STOML3: variants seen among roughly 807,000 people sequenced by gnomAD.
The protein encoded by STOML3 is stomatin-like protein 3.
A neutral mutation model predicts 29.5 loss-of-function variants in STOML3; 31 were observed. The observed-to-expected ratio is 1.05, with a 90% CI of 0.79 to 1.42. STOML3 has a LOEUF of 1.42. STOML3 is among the 40% of genes most tolerant of loss of function. The probability of loss-of-function intolerance (pLI) is 0.00; values close to 1 mark genes in which losing one functional copy is unlikely to be tolerated. For synonymous variants in STOML3, 122 were observed against 139.8 expected, an observed-to-expected ratio of 0.87 and a Z score of 0.90; for missense variants, 380 against 363.0, an observed-to-expected ratio of 1.05 and a Z score of -0.38.
At position 38,977,577 on chromosome 13, in the gene STOML3, T is replaced by C. The variant is rs141476801; in HGVS notation, c.53-780A>G. 2.0e-5 allele frequency among the ~76,000 whole-genome samples: 3 copies of C among 152,298 alleles called. No individual in the cohort carries two copies. The East Asian group carries it at 5.8e-4, about 29-fold the overall frequency. On this transcript the variant is annotated intron_variant, in intron 1 of 6. Transcript: ENST00000379631. ...AACTTTTCATAAAAGTTTTGTTATG[T>C]TGGCTCATCACATAAGATCTCTTCT...
At chr13:38,972,450 T>C in intron 4 of STOML3, 62 bp downstream of exon 4, 3 of 1,510,094 alleles carry the variant, frequency 2.0e-6, no homozygotes, top group Non-Finnish European at 2.7e-6. Context: ...AAATTGTAAT[T>C]GTCCTTATAA....
At chr13:38,988,600 T>TATATATCATATATTTTATATATA (rs1221842352) in intron 1 of STOML3, among the ~76,000 whole-genome samples, 1 of 102,288 alleles carries the variant, frequency 9.8e-6, no homozygotes, top group Non-Finnish European at 1.8e-5. Context: ...TATAATATAT[T>TATATATCATATATTTTATATATA]ATATATCATA....
intron 1 of STOML3, among the ~76,000 whole-genome samples, chr13:38,983,651 T>G (rs1881342177): frequency 6.6e-6 from 1 of 152,168 alleles, no homozygotes; most frequent in South Asian, 2.1e-4. Flanking sequence ...AGGTCTTTAG[T>G]GAAGAATTAG....
At chr13:38,980,957 CTG>C (rs1566208012) in intron 1 of STOML3, among the ~76,000 whole-genome samples, 1 of 152,146 alleles carries the variant, frequency 6.6e-6, no homozygotes, top group Admixed American at 6.5e-5. Context: ...AGACTTCCCC[CTG>C]TGTGTGGCTG....
chr13:38,968,842 G>C (rs916842362), intron 5 of STOML3, among the ~76,000 whole-genome samples: 29 of 152,068 alleles, frequency 1.9e-4, no homozygotes, highest in African/African-American at 6.5e-4. Flanking sequence ...ATCTAGATTT[G>C]AGAAAATATC....
At chr13:38,988,123 A>C (rs191557334) in intron 1 of STOML3, among the ~76,000 whole-genome samples, 23 of 91,076 alleles carry the variant, frequency 2.5e-4, no homozygotes, top group East Asian at 7.3e-4. Flanking sequence ...TATTTTATAT[A>C]TTATATTTTA....
At chr13:38,985,911 C>CTTTTTTTTTTTTTTTTTGTTTTT (rs1868503861) in intron 1 of STOML3, among the ~76,000 whole-genome samples, 1 of 85,616 alleles carries the variant, frequency 1.2e-5, no homozygotes, top group Non-Finnish European at 2.1e-5. Context: ...TCTTTTCTTT[C>CTTTTTTTTTTTTTTTTTGTTTTT]TTTTTTTTTT....
intron 3 of STOML3, among the ~76,000 whole-genome samples, chr13:38,972,983 G>A (rs1880933814): frequency 6.6e-6 from 1 of 151,692 alleles, no homozygotes; most frequent in Admixed American, 6.6e-5. Context: ...TTAAGGCTGG[G>A]CGCGGTGGCT....
intron 1 of STOML3, among the ~76,000 whole-genome samples, chr13:38,988,430 TTA>T (rs1197708909): frequency 1.9e-5 from 2 of 104,060 alleles, no homozygotes; most frequent in Non-Finnish European, 3.4e-5. Flanking sequence ...ATCATATATT[TTA>T]TATAAAATAT....
At chr13:38,969,036 A>G (rs924282869) in intron 5 of STOML3, among the ~76,000 whole-genome samples, 5 of 152,164 alleles carry the variant, frequency 3.3e-5, no homozygotes, top group African/African-American at 1.2e-4. Context: ...AGATATGGAG[A>G]CAATACATAT....
At position 38,973,448 on chromosome 13, in the gene STOML3, C is replaced by A. The variant is rs140832098; in HGVS notation, c.230-854G>T. ...GCCTGGGAAGTCCAAGATCAAGATG[C>A]TCATAGATGCAGTGTCTTGTGAGGG... On this transcript the variant is annotated intron_variant, in intron 3 of 6. Transcript: ENST00000379631. 8.5e-4 allele frequency among the ~76,000 whole-genome samples: 130 copies of A among 152,268 alleles called. 2 individuals carry two copies. In the East Asian group the frequency reaches 0.022, roughly 26 times the overall value.
At chr13:38,988,629 T>TA (rs1868841597) in intron 1 of STOML3, among the ~76,000 whole-genome samples, 1 of 120,144 alleles carries the variant, frequency 8.3e-6, no homozygotes, top group Non-Finnish European at 1.6e-5. Flanking sequence ...ATATAATATA[T>TA]TATATTTTAT....
chr13:38,986,591 G>A (rs1292774373), intron 1 of STOML3, among the ~76,000 whole-genome samples: 1 of 152,100 alleles, frequency 6.6e-6, no homozygotes, highest in Non-Finnish European at 1.5e-5. Context: ...GGTTCTCTCT[G>A]TAGAGAATGA....
At position 38,966,827 on chromosome 13, in the gene STOML3, A is replaced by G; in HGVS notation, c.874T>C (p.Ter292ArgextTer23). The G allele has an allele frequency of 1.9e-6, 3 of 1,612,796 alleles. No individual in the cohort carries two copies. Among genetic ancestry groups the G allele is most frequent in the Non-Finnish European group, 2.5e-6 (3 of 1,179,784 alleles). ...TAGCTGACTACCGCAAGAGGACCTC[A>G]GGCTTTATTTGGAAGCTTCTTGTGG... Reference protein sequence around the residue: ...DNHKKLPNKA* With the variant: ...DNHKKLPNKAR Residue 292 changes from the stop codon to arginine (R), a stop_lost, in exon 7 of 7, where the codon TGA (stop) becomes CGA (arginine). Coordinates refer to ENST00000379631, the MANE Select transcript of STOML3 (RefSeq NM_145286.3).
chr13:38,970,063 T>C (rs1880802487), intron 5 of STOML3, 122 bp downstream of exon 5: 1 of 799,510 alleles, frequency 1.3e-6, no homozygotes, highest in Non-Finnish European at 2.0e-6. Context: ...CAGTTGTCTG[T>C]GTGTGAGTGT....
intron 6 of STOML3, among the ~76,000 whole-genome samples, chr13:38,967,449 G>C (rs182880421): frequency 6.6e-6 from 1 of 152,112 alleles, no homozygotes; most frequent in East Asian, 1.9e-4. Flanking sequence ...AGTTATCTTA[G>C]ATGTTTTTAA....
rs1005357576 is a variant in STOML3 at position 38,979,937 on chromosome 13, C to T, written c.53-3140G>A. The T allele has an allele frequency of 1.4e-5, 15 of 1,046,870 alleles. No homozygotes were observed. The African/African-American group carries it at 1.9e-4, about 13-fold the overall frequency. 64.8% of individuals were successfully genotyped at this position (1,046,870 alleles called of 1,614,324 possible). A position where few individuals can be genotyped will look rare whatever the true frequency, so the allele number is the denominator to read the frequency against. On this transcript the variant is annotated intron_variant, in intron 1 of 6. Coordinates refer to ENST00000379631, the MANE Select transcript of STOML3 (RefSeq NM_145286.3). The stretch of plus-strand genomic sequence containing the variant: ...CACACGCAGGCAGCTGGGACTCCAA[C>T]AGGACACCAGCTGTGCTTAATGCCT...
chr13:38,988,329 A>T (rs528717677), intron 1 of STOML3, among the ~76,000 whole-genome samples: 1 of 86,118 alleles, frequency 1.2e-5, no homozygotes, highest in African/African-American at 6.2e-5. Flanking sequence ...ATTATATTTT[A>T]TATATAATAT....
intron 3 of STOML3, among the ~76,000 whole-genome samples, chr13:38,974,609 G>A (rs1400692067): frequency 2.6e-5 from 4 of 152,176 alleles, no homozygotes; most frequent in Non-Finnish European, 5.9e-5. Context: ...CTCATGAAGT[G>A]TCAGTTATTA....
Sources: gnomAD v4.1 joint callset for allele counts (sites outside exome capture counted in the v4.1 genomes callset) on GRCh38, gnomAD v4.1.1 for gene constraint, MANE v1.5 for transcripts, NCBI Gene and HGNC (gene_info 2026-07-23, HGNC 2026-07-21) for gene names.